The following CTNNA3 variants were observed in gnomAD, a reference collection of about 807,000 sequenced individuals.
The protein encoded by CTNNA3 is catenin alpha 3.
Under a neutral mutation model 95.7 loss-of-function variants are expected in CTNNA3, and 76 were observed. The ratio of observed to expected loss-of-function variants is 0.79; its 90% CI spans 0.66 to 0.96. CTNNA3 has a LOEUF of 0.96. Ranked by LOEUF, CTNNA3 falls within the 40% of genes least tolerant of loss-of-function variation. The probability of loss-of-function intolerance (pLI) is 0.00; values close to 1 mark genes in which losing one functional copy is unlikely to be tolerated. For synonymous variants in CTNNA3, 431 were observed against 374.4 expected (o/e 1.15, Z -1.74); for missense variants, 1,191 against 1,089.8 (o/e 1.09, Z -1.31).
At chr10:66,207,318 C>T (rs942069468) in intron 13 of CTNNA3, among the ~76,000 whole-genome samples, 4 of 151,860 alleles carry the variant, frequency 2.6e-5, no homozygotes, top group Non-Finnish European at 5.9e-5. Context: ...TAAAACAAAA[C>T]ATGTGTCTAG....
At chr10:66,744,505 T>TC (rs1849437214) in intron 9 of CTNNA3, among the ~76,000 whole-genome samples, 1 of 152,168 alleles carries the variant, frequency 6.6e-6, no homozygotes, top group Non-Finnish European at 1.5e-5. Context: ...GGTTGTCCTG[T>TC]CTTGTGATTC....
intron 13 of CTNNA3, among the ~76,000 whole-genome samples, chr10:66,155,952 AT>A: frequency 2.0e-5 from 3 of 152,064 alleles, no homozygotes; most frequent in Admixed American, 2.0e-4. Context: ...AACAGAAAAA[AT>A]GAACAAAAGA....
chr10:66,342,752 T>C (rs1189277825), intron 12 of CTNNA3, among the ~76,000 whole-genome samples: 2 of 152,100 alleles, frequency 1.3e-5, no homozygotes, highest in Non-Finnish European at 2.9e-5. Context: ...AATGTTGTAA[T>C]ATAAGCCACA....
At chr10:67,274,431 C>T (rs1331858594) in intron 5 of CTNNA3, among the ~76,000 whole-genome samples, 1 of 152,090 alleles carries the variant, frequency 6.6e-6, no homozygotes, top group African/African-American at 2.4e-5. Flanking sequence ...ACCTCAATAG[C>T]ATAATCACAA....
intron 7 of CTNNA3, among the ~76,000 whole-genome samples, chr10:66,799,692 A>G (rs60490844): frequency 0.24 from 35,988 of 151,158 alleles, 4,840 homozygotes; most frequent in African/African-American, 0.37. Context: ...ACTGAAAGCA[A>G]TATTTGAAGA....
intron 7 of CTNNA3, among the ~76,000 whole-genome samples, chr10:67,164,931 A>G (rs1261926450): frequency 6.6e-6 from 1 of 152,188 alleles, no homozygotes; most frequent in African/African-American, 2.4e-5. Flanking sequence ...GGAATGTAAA[A>G]TTGCTCTGGA....
At chr10:67,090,257 G>A (rs1241276847) in intron 7 of CTNNA3, among the ~76,000 whole-genome samples, 1 of 152,094 alleles carries the variant, frequency 6.6e-6, no homozygotes, top group Non-Finnish European at 1.5e-5. Flanking sequence ...AAGAAGCAGA[G>A]AACTCTGATT....
chr10:67,699,549 C>A (rs1411642565), upstream of CTNNA3, among the ~76,000 whole-genome samples: 1 of 152,158 alleles, frequency 6.6e-6, no homozygotes, highest in Non-Finnish European at 1.5e-5. Context: ...GACAATGAAG[C>A]CACCCAGGTA....
At chr10:67,541,802 T>C (rs927130859) in intron 3 of CTNNA3, among the ~76,000 whole-genome samples, 13 of 152,112 alleles carry the variant, frequency 8.5e-5, no homozygotes, top group African/African-American at 3.1e-4. Context: ...TATGAGACTG[T>C]GAAAAGTTAA....
rs1251599846 is a variant in CTNNA3 at position 66,418,408 on chromosome 10, G to C, written c.1532-39056C>G. On this transcript the variant is annotated intron_variant, in intron 11 of 17. Coordinates refer to ENST00000433211, the MANE Select transcript of CTNNA3 (RefSeq NM_013266.4). ...TCCCAACAAAGAAAAGCCCAGGTCT[G>C]GACTGATTTACTGCTGACTTCTACC... 6.6e-5 allele frequency among the ~76,000 whole-genome samples: 10 copies of C among 151,024 alleles called. No homozygotes were observed. In the South Asian group the frequency reaches 2.1e-3, roughly 32 times the overall value.
chr10:67,335,977 G>A (rs903108330), intron 5 of CTNNA3, among the ~76,000 whole-genome samples: 1 of 151,284 alleles, frequency 6.6e-6, no homozygotes, highest in African/African-American at 2.4e-5. Flanking sequence ...CTGTCTCTGT[G>A]TCACATTTTG....
chr10:65,982,562 G>A (rs1396665589), intron 16 of CTNNA3, among the ~76,000 whole-genome samples: 1 of 150,390 alleles, frequency 6.6e-6, no homozygotes, highest in African/African-American at 2.4e-5. Context: ...CACGTTTATA[G>A]CAGCACAATT....
At chr10:67,292,384 C>A (rs1159312678) in intron 5 of CTNNA3, among the ~76,000 whole-genome samples, 1 of 151,936 alleles carries the variant, frequency 6.6e-6, no homozygotes, top group Non-Finnish European at 1.5e-5. Flanking sequence ...CTTCTGAGAC[C>A]TTCATTTTGA....
chr10:67,137,890 G>T lies in CTNNA3; in HGVS notation c.1047+42427C>A, dbSNP rs375445444. ...ATGCATCACTAGATTGTAGATAATA[G>T]AATTTAGTATGTAATTTATTTTATA... On this transcript the variant is annotated intron_variant, in intron 7 of 17. Transcript: ENST00000433211. Among the ~76,000 whole-genome samples the T allele has an allele frequency of 7.9e-5, 12 of 151,418 alleles. No individual in the cohort carries two copies. The East Asian group carries it at 1.9e-3, about 24-fold the overall frequency.
intron 5 of CTNNA3, among the ~76,000 whole-genome samples, chr10:67,336,446 G>A (rs981283269): frequency 1.3e-5 from 2 of 152,184 alleles, no homozygotes; most frequent in Admixed American, 1.3e-4. Context: ...AGGGAAAGAA[G>A]TTTCCTTCAT....
chr10:66,425,553 C>T (rs1015008640), intron 11 of CTNNA3, among the ~76,000 whole-genome samples: 1 of 151,926 alleles, frequency 6.6e-6, no homozygotes, highest in African/African-American at 2.4e-5. Context: ...AGACAAGAAT[C>T]TTAGCATATT....
rs2077047949 is a variant in CTNNA3, at chr10:65,919,387, G to A, written c.*943C>T. The A allele has an allele frequency of 6.6e-6, 1 of 152,078 alleles. No homozygotes were observed. The highest frequency in any genetic ancestry group is 1.5e-5 in the Non-Finnish European group (1 of 68,006). 9.4% of individuals were successfully genotyped at this position (152,078 alleles called of 1,614,324 possible). ...AGTTATATTTTACTCAACGTCAAAA[G>A]ATTTTTCAAACTGCCATTTTCCTTT... is the stretch of plus-strand genomic sequence containing the variant. On this transcript the variant is annotated 3_prime_UTR_variant, in exon 18 of 18. Transcript: ENST00000433211.
intron 13 of CTNNA3, among the ~76,000 whole-genome samples, chr10:66,254,730 CCCT>C (rs1449840026): frequency 2.0e-5 from 3 of 152,186 alleles, no homozygotes; most frequent in African/African-American, 7.2e-5. Flanking sequence ...CTCTCTGCTT[CCCT>C]CAACAGTCTG....
chr10:67,402,949 C>T (rs1470609269), intron 5 of CTNNA3, among the ~76,000 whole-genome samples: 5 of 152,218 alleles, frequency 3.3e-5, no homozygotes, highest in African/African-American at 1.2e-4. Flanking sequence ...CATCTGTGGG[C>T]CCCATTTCCA....
Sources: allele counts gnomAD v4.1 joint callset (sites outside exome capture counted in the v4.1 genomes callset), GRCh38; gene constraint gnomAD v4.1.1; transcripts MANE v1.5; gene names NCBI Gene and HGNC (gene_info 2026-07-23, HGNC 2026-07-21).